The following ANKRD33B variants were observed in gnomAD, a reference collection of about 807,000 sequenced individuals.
The protein encoded by ANKRD33B is ankyrin repeat domain-containing protein 33B.
A neutral mutation model predicts 21.5 loss-of-function variants in ANKRD33B; 6 were observed. That is an observed-to-expected ratio of 0.28 (90% CI 0.15 to 0.55). The LOEUF (loss-of-function observed/expected upper bound fraction) is 0.55, where lower values mean the gene tolerates loss of function less well. Among genes scored for constraint, ANKRD33B ranks in the 20% least tolerant of loss-of-function variants. The pLI, the probability that ANKRD33B is intolerant of heterozygous loss-of-function variation, is 0.94. For synonymous variants in ANKRD33B, 347 were observed against 342.4 expected (o/e 1.01, Z -0.15); for missense variants, 698 against 747.2 (o/e 0.93, Z 0.77).
chr5:10,636,553 A>G (rs1483112227), intron 2 of ANKRD33B, among the ~76,000 whole-genome samples: 1 of 152,178 alleles, frequency 6.6e-6, no homozygotes, highest in Non-Finnish European at 1.5e-5. Flanking sequence ...GGAGGTCCAC[A>G]CTACAGTGAG....
intron 3 of ANKRD33B, among the ~76,000 whole-genome samples, chr5:10,639,225 C>G (rs560966195): frequency 6.1e-4 from 17 of 28,090 alleles, no homozygotes; most frequent in East Asian, 1.5e-3. Flanking sequence ...GCGATGTTAG[C>G]GGGTGACGTG....
chr5:10,578,704 T>A (rs1735375830), intron 1 of ANKRD33B, among the ~76,000 whole-genome samples: 1 of 152,216 alleles, frequency 6.6e-6, no homozygotes, highest in East Asian at 1.9e-4. Context: ...ATAGAAATAA[T>A]CATTTTTAAA....
At chr5:10,629,928 G>A (rs1736667007) in intron 2 of ANKRD33B, among the ~76,000 whole-genome samples, 3 of 152,194 alleles carry the variant, frequency 2.0e-5, no homozygotes, top group Admixed American at 1.3e-4. Context: ...TTGTAAGAAG[G>A]TCACTGGGGA....
rs1001817408 is a variant in ANKRD33B at position 10,650,834 on chromosome 5, A to G, written c.*721A>G. The G allele has an allele frequency of 2.2e-4, 33 of 152,392 alleles. 1 individual carries two copies. Among genetic ancestry groups the G allele is most frequent in the Non-Finnish European group, 2.9e-5 (2 of 68,048 alleles). The allele number at this position is 152,392 out of a possible 1,614,324, so 9.4% of individuals were successfully genotyped here. On this transcript the variant is annotated 3_prime_UTR_variant, in exon 4 of 4. Coordinates refer to ENST00000296657, the MANE Select transcript of ANKRD33B (RefSeq NM_001164440.2). ...ATATTGTCAAATTATAAAACAATGG[A>G]GCGATAAACATGTATTTATTGCTAG...
chr5:10,627,025 G>A (rs1446148060), intron 2 of ANKRD33B, among the ~76,000 whole-genome samples: 4 of 152,232 alleles, frequency 2.6e-5, no homozygotes, highest in African/African-American at 9.6e-5. Context: ...GAATTCGGAT[G>A]CAAATGCCTT....
Position 10,618,370 on chromosome 5 carries a change from A to T in ANKRD33B, c.404A>T (p.Asp135Val). Residue 135 changes from aspartate to valine, a missense_variant, in exon 2 of 4, where the codon GAT (aspartate) becomes GTT (valine). Asp to Val is a radical substitution (Grantham distance 152). Around this residue, in one of 3 missense-constraint regions of ANKRD33B, gnomAD observed 543 missense variants for 566.5 expected, o/e 0.96. Transcript: ENST00000296657. ...GTCGCCTGCTACCACGGCTTTGTGG[A>T]TACCGTGGTGGCCTTAGCAGAGTGC... ...LIVACYHGFV[D>V]TVVALAECPH... 6.5e-7 allele frequency: 1 copy of T among 1,537,792 alleles called. No homozygotes were observed. Among genetic ancestry groups the T allele is most frequent in the Non-Finnish European group, 8.7e-7 (1 of 1,147,020 alleles).
At chr5:10,583,772 G>A (rs1735497163) in intron 1 of ANKRD33B, among the ~76,000 whole-genome samples, 1 of 152,174 alleles carries the variant, frequency 6.6e-6, no homozygotes, top group Non-Finnish European at 1.5e-5. Context: ...CCAACAGGCG[G>A]TCCTATTCTG....
At chr5:10,640,153 A>C (rs1461980082) in intron 3 of ANKRD33B, among the ~76,000 whole-genome samples, 1 of 150,218 alleles carries the variant, frequency 6.7e-6, no homozygotes, top group South Asian at 2.1e-4. Context: ...TGGTGATGTT[A>C]GCGGGTGATG....
At chr5:10,605,396 A>G (rs1560971270) in intron 1 of ANKRD33B, among the ~76,000 whole-genome samples, 1 of 152,232 alleles carries the variant, frequency 6.6e-6, no homozygotes, top group Non-Finnish European at 1.5e-5. Context: ...TTAGAAGTAC[A>G]GGGTATGGAA....
Position 10,564,644 on chromosome 5 carries a change from C to T in ANKRD33B, c.177C>T (p.Tyr59=). The T allele has an allele frequency of 6.5e-7, 1 of 1,535,084 alleles. No homozygotes were observed. Among genetic ancestry groups the T allele is most frequent in the East Asian group, 2.4e-5 (1 of 40,886 alleles). ...GCATCGCCTCGGACGACTCTTTCTA[C>T]CCTTTCGAGGACGAGGAGGAGCACG... ...TRSIASDDSF[Y]PFEDEEEHGV... The change falls in exon 1 of 4, where the codon TAC becomes TAT. Residue 59 remains tyrosine, a synonymous_variant. Transcript: ENST00000296657.
rs974833491 is a variant in ANKRD33B at position 10,649,584 on chromosome 5, C to T, written c.956C>T (p.Ala319Val). 3 of 1,528,546 alleles carry T rather than the reference C, an allele frequency of 2.0e-6. No individual in the cohort carries two copies. The highest frequency in any genetic ancestry group is 2.0e-5 in the Admixed American group (1 of 50,756). 94.7% of individuals were successfully genotyped at this position (1,528,546 alleles called of 1,614,324 possible). Residue 319 changes from alanine to valine, a missense_variant, in exon 4 of 4, where the codon GCC becomes GTC. Ala to Val is a moderately conservative substitution (Grantham distance 64). Around this residue, in one of 3 missense-constraint regions of ANKRD33B, gnomAD observed 543 missense variants for 566.5 expected, o/e 0.96. Transcript: ENST00000296657. The stretch of plus-strand genomic sequence containing the variant: ...ATGACCACGAGCCTCTACAGCCCCG[C>T]CGTGGCCATCGTGTGCCAGACCGTG... ...VRMTTSLYSP[A>V]VAIVCQTVCP...
At chr5:10,641,225 C>CTTCTTCTTCTTTT (rs1553995125) in intron 3 of ANKRD33B, among the ~76,000 whole-genome samples, 131 of 77,476 alleles carry the variant, frequency 1.7e-3, no homozygotes, top group Non-Finnish European at 2.6e-3. Context: ...TCTTCTTCTT[C>CTTCTTCTTCTTTT]TTTTTTTTTT....
At chr5:10,606,790 G>A (rs568522349) in intron 1 of ANKRD33B, among the ~76,000 whole-genome samples, 6 of 150,822 alleles carry the variant, frequency 4.0e-5, no homozygotes, top group African/African-American at 9.7e-5. Context: ...GGGCAGTGGC[G>A]CAATCTCAGC....
Position 10,625,072 on chromosome 5 carries a change from A to G in ANKRD33B, c.496+6610A>G, listed in dbSNP as rs942145689. 1.7e-5 allele frequency: 5 copies of G among 286,236 alleles called. No homozygotes were observed. In the Admixed American group the frequency reaches 1.9e-4, roughly 11 times the overall value. 17.7% of individuals were successfully genotyped at this position (286,236 alleles called of 1,614,324 possible). On this transcript the variant is annotated intron_variant, in intron 2 of 3. Transcript: ENST00000296657. ...CAGACCCCACGAGAGATGTTGTCAG[A>G]CAGACACAGAGGCATCACGGAATTA...
At chr5:10,569,597 AAAATAAAT>A (rs56346529) in intron 1 of ANKRD33B, among the ~76,000 whole-genome samples, 27 of 148,422 alleles carry the variant, frequency 1.8e-4, no homozygotes, top group African/African-American at 5.5e-4. Flanking sequence ...CCCGTGTTTG[AAAATAAAT>A]AAATAAATAA....
rs4702705 is a variant in ANKRD33B at position 10,591,970 on chromosome 5, T to C, written c.367-26363T>C. On this transcript the variant is annotated intron_variant, in intron 1 of 3. Coordinates refer to ENST00000296657, the MANE Select transcript of ANKRD33B (RefSeq NM_001164440.2). ...ATTATTTTTAGCTTTTGAATCTCTT[T>C]TCTCCATCAGTAAACTATTTTAGGA... Among the ~76,000 whole-genome samples, 497 of 151,612 alleles carry C rather than the reference T, an allele frequency of 3.3e-3. 3 individuals are homozygous for C. The highest frequency in any genetic ancestry group is 0.011 in the African/African-American group (470 of 41,320).
chr5:10,584,558 A>T (rs9791061), intron 1 of ANKRD33B, among the ~76,000 whole-genome samples: 59,352 of 151,986 alleles, frequency 0.39, 12,467 homozygotes, highest in East Asian at 0.6. Context: ...AAAATAATAA[A>T]AAAAAAAGAA....
chr5:10,644,002 A>C (rs1385516130), intron 3 of ANKRD33B, among the ~76,000 whole-genome samples: 3 of 118,540 alleles, frequency 2.5e-5, no homozygotes, highest in Non-Finnish European at 3.7e-5. Flanking sequence ...GATGGGTAAG[A>C]ATTAAAAAAA....
chr5:10,596,645 T>G (rs527372073), intron 1 of ANKRD33B, among the ~76,000 whole-genome samples: 5 of 152,164 alleles, frequency 3.3e-5, no homozygotes, highest in Non-Finnish European at 5.9e-5. Context: ...TTGTGAGAAC[T>G]TCCCCAACCT....
Sources: allele counts gnomAD v4.1 joint callset (sites outside exome capture counted in the v4.1 genomes callset), GRCh38; gene constraint gnomAD v4.1.1; regional missense constraint gnomAD v4.1.1; transcripts MANE v1.5; gene names NCBI Gene and HGNC (gene_info 2026-07-23, HGNC 2026-07-21).